PHLPP1: variants seen among roughly 807,000 people sequenced by gnomAD.
PHLPP1 encodes PH domain leucine-rich repeat-containing protein phosphatase 1.
In PHLPP1, 42 loss-of-function variants were observed where a neutral mutation model predicts 117.2. The ratio of observed to expected loss-of-function variants is 0.36; its 90% CI spans 0.28 to 0.46. The LOEUF (loss-of-function observed/expected upper bound fraction) is 0.46. PHLPP1 is among the 20% of genes least tolerant of loss of function. The probability of loss-of-function intolerance (pLI) is 1.00; values close to 1 mark genes in which losing one functional copy is unlikely to be tolerated. For synonymous variants in PHLPP1, 1,042 were observed against 970.7 expected (o/e 1.07, Z -1.37); for missense variants, 2,084 against 2,241.9 (o/e 0.93, Z 1.42).
rs1021849696 is a variant in PHLPP1 at position 62,972,809 on chromosome 18, GT to G, written c.3755+107del. On this transcript the variant is annotated intron_variant, in intron 15 of 16. Coordinates refer to ENST00000262719, the MANE Select transcript of PHLPP1 (RefSeq NM_194449.4). The stretch of plus-strand genomic sequence containing the variant: ...AGGTGCCCAATGGTCTCCAAGCCAT[GT>G]TTTTTGACTATGAGTACCAAGATGC... 1.7e-4 allele frequency: 148 copies of G among 870,116 alleles called. No homozygotes were observed. The African/African-American group carries it at 2.3e-3, about 13-fold the overall frequency. The allele number at this position is 870,116 out of a possible 1,614,324, so 53.9% of individuals were successfully genotyped here.
intron 1 of PHLPP1, among the ~76,000 whole-genome samples, chr18:62,755,739 A>G (rs1911995785): frequency 6.6e-6 from 1 of 152,150 alleles, no homozygotes; most frequent in Non-Finnish European, 1.5e-5. Flanking sequence ...GTACTTTGTT[A>G]TAGCAGCCCA....
intron 1 of PHLPP1, among the ~76,000 whole-genome samples, chr18:62,752,908 G>A (rs994555521): frequency 3.9e-5 from 6 of 152,204 alleles, no homozygotes; most frequent in African/African-American, 9.7e-5. Context: ...TAGACAATAA[G>A]TGTGAATAAC....
intron 2 of PHLPP1, 112 bp downstream of exon 2, chr18:62,830,343 C>T (rs747928491): frequency 2.0e-5 from 16 of 799,252 alleles, no homozygotes; most frequent in South Asian, 3.7e-5. Flanking sequence ...TGAGTTCAAG[C>T]GATTCTCCTG....
intron 7 of PHLPP1, among the ~76,000 whole-genome samples, chr18:62,904,335 T>C (rs975254625): frequency 7.9e-5 from 12 of 152,348 alleles, no homozygotes; most frequent in African/African-American, 2.6e-4. Context: ...TAGTAAGCGA[T>C]AGAGAACCAG....
chr18:62,779,422 C>T (rs1048203361), intron 1 of PHLPP1: 1 of 152,180 alleles, frequency 6.6e-6, no homozygotes, highest in Non-Finnish European at 1.5e-5. Flanking sequence ...AGAGTGGTTG[C>T]CTTGCTGTAT....
rs1480651843 is a variant in PHLPP1 at position 62,716,442 on chromosome 18, A to G, written c.759A>G (p.Gly253=). ...GVVKVLGQGP[G]AAAAREPAEP... ...TGAAGGTGCTGGGCCAGGGGCCCGG[A>G]GCCGCCGCCGCCCGGGAGCCCGCTG... The change falls in exon 1 of 17, where the codon GGA becomes GGG. Residue 253 remains glycine (G), a synonymous_variant. Transcript: ENST00000262719. This position sits in a 1 kb window ranked among gnomAD's most constrained non-coding sequence, Gnocchi z 5.7. The G allele has an allele frequency of 6.1e-6, 8 of 1,316,452 alleles. No individual in the cohort carries two copies. The highest frequency in any genetic ancestry group is 7.7e-6 in the Non-Finnish European group (8 of 1,036,464). The allele number at this position is 1,316,452 out of a possible 1,614,324, so 81.5% of individuals were successfully genotyped here.
chr18:62,950,288 CT>C (rs1445354778), intron 12 of PHLPP1, among the ~76,000 whole-genome samples: 1 of 152,058 alleles, frequency 6.6e-6, no homozygotes, highest in Non-Finnish European at 1.5e-5. Flanking sequence ...TCTGTGTTAC[CT>C]TAACTGGGAA....
intron 1 of PHLPP1, among the ~76,000 whole-genome samples, chr18:62,802,412 G>T (rs955804357): frequency 2.0e-4 from 31 of 152,002 alleles, no homozygotes; most frequent in African/African-American, 7.0e-4. Context: ...GAGCATGTGG[G>T]GATTAACACA....
Position 62,715,801 on chromosome 18 carries a change from GCT to G in PHLPP1, c.121_122del (p.Leu41GlyfsTer221). 1 of 830,586 alleles carries G rather than the reference GCT, an allele frequency of 1.2e-6. No individual in the cohort carries two copies. Among genetic ancestry groups the G allele is most frequent in the Non-Finnish European group, 1.5e-6 (1 of 676,998 alleles). The allele number at this position is 830,586 out of a possible 1,614,324, so 51.5% of individuals were successfully genotyped here. ...AAAAAAAAAA[A>X]LAAAAGGGRS... is the part of the protein sequence containing the mutation. ...AGCAGCAGCAGCGGCGGCCGCGGCG[GCT>G]CTGGCGGCGGCGGCCGGGGGCGGCC... On this transcript the variant is annotated frameshift_variant, in exon 1 of 17. Coordinates refer to ENST00000262719, the MANE Select transcript of PHLPP1 (RefSeq NM_194449.4). LOFTEE classifies it high-confidence loss of function.
intron 1 of PHLPP1, among the ~76,000 whole-genome samples, chr18:62,816,257 T>C (rs1914270641): frequency 6.6e-6 from 1 of 152,290 alleles, no homozygotes; most frequent in African/African-American, 2.4e-5. Context: ...TACACTCATA[T>C]CAGCAATGTA....
intron 1 of PHLPP1, among the ~76,000 whole-genome samples, chr18:62,820,544 C>T (rs1190155821): frequency 6.6e-6 from 1 of 152,228 alleles, no homozygotes; most frequent in Non-Finnish European, 1.5e-5. Flanking sequence ...ATGCCATTCT[C>T]ATGATGGTGA....
At position 62,896,047 on chromosome 18, in the gene PHLPP1, G is replaced by T. The variant is rs572094671; in HGVS notation, c.2444+36G>T. ...TTGAGAAATAGATCTCATTTGAGTG[G>T]CTGGCTTATATTGCAGGGGTGGGGA... is the stretch of plus-strand genomic sequence containing the variant. On this transcript the variant is annotated intron_variant, in intron 6 of 16. Coordinates refer to ENST00000262719, the MANE Select transcript of PHLPP1 (RefSeq NM_194449.4). 3.3e-5 allele frequency: 45 copies of T among 1,349,032 alleles called. No homozygotes were observed. The South Asian group carries it at 5.3e-4, about 16-fold the overall frequency. The allele number at this position is 1,349,032 out of a possible 1,614,324, so 83.6% of individuals were successfully genotyped here.
intron 2 of PHLPP1, among the ~76,000 whole-genome samples, chr18:62,836,141 T>C (rs1914889819): frequency 1.3e-5 from 2 of 151,698 alleles, no homozygotes; most frequent in Non-Finnish European, 2.9e-5. Flanking sequence ...AATAAATAAA[T>C]TAATTAATTA....
intron 13 of PHLPP1, among the ~76,000 whole-genome samples, chr18:62,962,696 G>A (rs1910803612): frequency 6.6e-6 from 1 of 152,168 alleles, no homozygotes; most frequent in Non-Finnish European, 1.5e-5. Flanking sequence ...GGCATATGAG[G>A]GCTGAGGAGA....
intron 3 of PHLPP1, among the ~76,000 whole-genome samples, chr18:62,846,203 C>T (rs1915177013): frequency 8.5e-6 from 1 of 118,164 alleles, no homozygotes; most frequent in South Asian, 2.8e-4. Context: ...GAGCAAAACT[C>T]CATCTCAAAA....
chr18:62,968,510 A>G (rs1568177593), intron 14 of PHLPP1, among the ~76,000 whole-genome samples: 1 of 146,224 alleles, frequency 6.8e-6, no homozygotes, highest in Non-Finnish European at 1.5e-5. Flanking sequence ...AAGCCTGTTC[A>G]TAATATCCCA....
chr18:62,716,569 C>A lies in PHLPP1; in HGVS notation c.886C>A (p.Arg296Ser). The change falls in exon 1 of 17, where the codon CGC (arginine) becomes AGC (serine). Residue 296 changes from arginine to serine, a missense_variant. By Grantham distance (110) the Arg-to-Ser change is moderately radical. Coordinates refer to ENST00000262719, the MANE Select transcript of PHLPP1 (RefSeq NM_194449.4). This position sits in a 1 kb window ranked among gnomAD's most constrained non-coding sequence, Gnocchi z 5.7. ...SAPGAFGGPPRAPPADLPLPV... is the reference protein window; with the variant it reads ...SAPGAFGGPPSAPPADLPLPV... ...GCCGGGTGCCTTCGGGGGGCCTCCGCGCGCGCCCCCCGCCGACCTACCCCT... is the reference window on the plus strand; with the variant it reads ...GCCGGGTGCCTTCGGGGGGCCTCCGAGCGCGCCCCCCGCCGACCTACCCCT... 2 of 1,200,978 alleles carry A rather than the reference C, an allele frequency of 1.7e-6. No homozygotes were observed. Among genetic ancestry groups the A allele is most frequent in the Non-Finnish European group, 2.1e-6 (2 of 968,594 alleles). 74.4% of individuals were successfully genotyped at this position (1,200,978 alleles called of 1,614,324 possible).
intron 14 of PHLPP1, among the ~76,000 whole-genome samples, chr18:62,971,613 T>G (rs1388371024): frequency 2.0e-5 from 3 of 152,160 alleles, no homozygotes; most frequent in African/African-American, 7.2e-5. Flanking sequence ...TGGGTCTTCC[T>G]CCCTGTGCTG....
intron 1 of PHLPP1, among the ~76,000 whole-genome samples, chr18:62,757,304 T>G (rs1179775768): frequency 6.6e-6 from 1 of 152,254 alleles, no homozygotes; most frequent in African/African-American, 2.4e-5. Context: ...TTGAGTGAGA[T>G]AAAACTCAAG....
Sources: gnomAD v4.1 joint callset for allele counts (sites outside exome capture counted in the v4.1 genomes callset) on GRCh38, gnomAD v4.1.1 for gene constraint, Gnocchi (gnomAD v3.1) non-coding constraint, MANE v1.5 for transcripts, NCBI Gene and HGNC (gene_info 2026-07-23, HGNC 2026-07-21) for gene names.